Variants in NXPE2 observed in about 807,000 individuals in gnomAD.
The protein encoded by NXPE2 is neurexophilin and PC-esterase domain family member 2.
In NXPE2, 34 loss-of-function variants were observed where a neutral mutation model predicts 34.4. That is an observed-to-expected ratio of 0.99 (90% CI 0.75 to 1.31). The LOEUF (loss-of-function observed/expected upper bound fraction) is 1.31. Ranked by LOEUF, NXPE2 falls within the 40% of genes most tolerant of loss-of-function variation. NXPE2 has a pLI of 0.00. For synonymous variants in NXPE2, 235 were observed against 231.3 expected (o/e 1.02, Z -0.15); for missense variants, 649 against 672.5 (o/e 0.97, Z 0.39).
chr11:114,755,953 C>T, the NXPE2 span, among the ~76,000 whole-genome samples: 12 of 152,278 alleles, frequency 7.9e-5, no homozygotes, highest in African/African-American at 2.9e-4. Flanking sequence ...CTCCCCACTC[C>T]CCTACTCCTT....
At chr11:114,745,442 A>G in the NXPE2 span, among the ~76,000 whole-genome samples, 4 of 152,168 alleles carry the variant, frequency 2.6e-5, no homozygotes, top group African/African-American at 7.2e-5. Context: ...ACTGCTGCAA[A>G]AATGTATCAA....
chr11:114,749,444 G>A, the NXPE2 span, among the ~76,000 whole-genome samples: 6 of 152,050 alleles, frequency 3.9e-5, no homozygotes, highest in Non-Finnish European at 8.8e-5. Flanking sequence ...CACTCTATCT[G>A]CAGGTTCCAC....
At chr11:114,758,713 C>T in the NXPE2 span, among the ~76,000 whole-genome samples, 1 of 151,680 alleles carries the variant, frequency 6.6e-6, no homozygotes, top group Non-Finnish European at 1.5e-5. Context: ...GAGAGGGACC[C>T]TAGCAGTGTG....
At chr11:114,473,970 T>G in the NXPE2 span, among the ~76,000 whole-genome samples, 1 of 150,956 alleles carries the variant, frequency 6.6e-6, no homozygotes, top group Non-Finnish European at 1.5e-5. Context: ...TGGGGTGGGG[T>G]GGAGGGCAGG....
chr11:114,755,736 ATCTCTCTCTC>A, the NXPE2 span, among the ~76,000 whole-genome samples: 152 of 148,294 alleles, frequency 1.0e-3, no homozygotes, highest in African/African-American at 3.6e-3. Flanking sequence ...CTCTTCACCC[ATCTCTCTCTC>A]TCTCTCTCTC....
chr11:114,782,607 G>C, the NXPE2 span, among the ~76,000 whole-genome samples: 1 of 152,344 alleles, frequency 6.6e-6, no homozygotes, highest in Non-Finnish European at 1.5e-5. Context: ...CTGAAGCTCA[G>C]ATAAGTAGTT....
At position 114,698,160 on chromosome 11, in the gene NXPE2, G is replaced by C; in HGVS notation, c.248G>C (p.Arg83Thr). Residue 83 changes from arginine to threonine, a missense_variant, in exon 3 of 6, where the codon AGA becomes ACA. By Grantham distance (71) the Arg-to-Thr change is moderately conservative. Transcript: ENST00000389586. Reference sequence around the variant, plus strand: ...GTTTCACCAAAAGAGACTGAACTTAGAATAAAGGACATTATGGAGAAACTA... The same window carrying C: ...GTTTCACCAAAAGAGACTGAACTTACAATAAAGGACATTATGGAGAAACTA... ...PAVSPKETEL[R>T]IKDIMEKLDQ... is the part of the protein sequence containing the mutation. 1 of 1,614,144 alleles carries C rather than the reference G, an allele frequency of 6.2e-7. No homozygotes were observed. The highest frequency in any genetic ancestry group is 8.5e-7 in the Non-Finnish European group (1 of 1,180,014).
the NXPE2 span, among the ~76,000 whole-genome samples, chr11:114,735,321 T>A: frequency 1.3e-5 from 2 of 152,176 alleles, no homozygotes; most frequent in Non-Finnish European, 2.9e-5. Flanking sequence ...ATCCACTTTT[T>A]ATTAGTGGTT....
chr11:114,691,791 T>G (rs925761339), intron 2 of NXPE2, among the ~76,000 whole-genome samples: 4 of 152,134 alleles, frequency 2.6e-5, no homozygotes, highest in African/African-American at 9.7e-5. Flanking sequence ...CCCCTTCCCT[T>G]AGGGGCAGAT....
the NXPE2 span, among the ~76,000 whole-genome samples, chr11:114,641,288 A>G: frequency 6.6e-5 from 10 of 152,034 alleles, no homozygotes; most frequent in African/African-American, 2.4e-4. Flanking sequence ...TAAAAATTCC[A>G]GAAAGGTAGT....
At chr11:114,744,939 TAATA>T in the NXPE2 span, among the ~76,000 whole-genome samples, 7 of 152,284 alleles carry the variant, frequency 4.6e-5, no homozygotes, top group South Asian at 2.1e-4. Flanking sequence ...TAAAAATAGT[TAATA>T]AATAAGAATA....
intron 2 of NXPE2, among the ~76,000 whole-genome samples, chr11:114,687,894 C>T (rs756440539): frequency 2.6e-5 from 4 of 151,800 alleles, no homozygotes; most frequent in African/African-American, 7.3e-5. Flanking sequence ...TCAGCTTGAA[C>T]ATTATTGGTT....
chr11:114,572,991 C>G, the NXPE2 span, among the ~76,000 whole-genome samples: 6 of 152,156 alleles, frequency 3.9e-5, no homozygotes, highest in Admixed American at 3.9e-4. Context: ...TAAAAGAAAA[C>G]TTATCAGATT....
chr11:114,464,856 A>C, the NXPE2 span, among the ~76,000 whole-genome samples: 3 of 152,160 alleles, frequency 2.0e-5, no homozygotes, highest in African/African-American at 7.2e-5. Flanking sequence ...ACAAAAAAAA[A>C]CGAAAAAAGA....
chr11:114,631,267 C>G, the NXPE2 span, among the ~76,000 whole-genome samples: 1,382 of 151,716 alleles, frequency 9.1e-3, 21 homozygotes, highest in African/African-American at 0.032. Flanking sequence ...AGACTTGGAA[C>G]CAACCAAAAT....
At chr11:114,605,091 CGTGGGTAACAGCTGTTA>C in the NXPE2 span, among the ~76,000 whole-genome samples, 1 of 150,804 alleles carries the variant, frequency 6.6e-6, no homozygotes, top group East Asian at 2.0e-4. Context: ...AATATTGCCT[CGTGGGTAACAGCTGTTA>C]CCCTGTGGAA....
the NXPE2 span, among the ~76,000 whole-genome samples, chr11:114,757,508 C>T: frequency 5.3e-5 from 8 of 152,056 alleles, no homozygotes; most frequent in South Asian, 4.2e-4. Flanking sequence ...ACTTTTATAC[C>T]GCTTTCTCTC....
chr11:114,701,734 G>C (rs146518492), intron 3 of NXPE2, among the ~76,000 whole-genome samples: 1 of 152,238 alleles, frequency 6.6e-6, no homozygotes, highest in East Asian at 1.9e-4. Flanking sequence ...GCCAGTTTCT[G>C]TTTCATTTGT....
the NXPE2 span, among the ~76,000 whole-genome samples, chr11:114,756,547 GC>G: frequency 6.6e-6 from 1 of 151,438 alleles, no homozygotes; most frequent in African/African-American, 2.4e-5. Context: ...TCCCTCAATG[GC>G]CAATAATTTT....
Sources: gnomAD v4.1 joint callset for allele counts (sites outside exome capture counted in the v4.1 genomes callset) on GRCh38, gnomAD v4.1.1 for gene constraint, MANE v1.5 for transcripts, NCBI Gene and HGNC (gene_info 2026-07-23, HGNC 2026-07-21) for gene names.